The following MEI4 variants were observed in gnomAD, a reference collection of about 807,000 sequenced individuals.
The protein encoded by MEI4 is meiotic double-stranded break formation protein 4.
MEI4 carries 27 observed loss-of-function variants against 31.4 expected under a neutral mutation model. That is an observed-to-expected ratio of 0.86 (90% CI 0.63 to 1.19). The LOEUF is 1.19. Among genes scored for constraint, MEI4 ranks in the 50% most tolerant of loss-of-function variants. MEI4 has a pLI of 0.00. For missense variants in MEI4, 329 were observed against 398.9 expected, an observed-to-expected ratio of 0.82 and a Z score of 1.49; for synonymous variants, 122 against 145.4, an observed-to-expected ratio of 0.84 and a Z score of 1.16.
chr6:77,766,039 T>C (rs937609083), intron 3 of MEI4, among the ~76,000 whole-genome samples: 11 of 151,806 alleles, frequency 7.2e-5, no homozygotes, highest in African/African-American at 2.7e-4. Flanking sequence ...GCAGCTCTTA[T>C]TAACACCATG....
chr6:77,780,298 C>A lies in MEI4; in HGVS notation c.768+18633C>A, dbSNP rs561510381. 2.0e-5 allele frequency among the ~76,000 whole-genome samples: 3 copies of A among 152,232 alleles called. No homozygotes were observed. In the East Asian group the frequency reaches 5.8e-4, roughly 29 times the overall value. ...AAAGAGCTTGTTTACACATGTGATCCTAAGACTGACCTTTTGCAGGCAGAA... is the reference window on the plus strand; with the variant it reads ...AAAGAGCTTGTTTACACATGTGATCATAAGACTGACCTTTTGCAGGCAGAA... On this transcript the variant is annotated intron_variant, in intron 3 of 4. Coordinates refer to ENST00000684080, the MANE Select transcript of MEI4 (RefSeq NM_001322247.2).
chr6:77,857,583 T>C (rs1397332761), intron 4 of MEI4, among the ~76,000 whole-genome samples: 1 of 152,144 alleles, frequency 6.6e-6, no homozygotes, highest in African/African-American at 2.4e-5. Context: ...TACTCATGAG[T>C]TACCTAATTG....
At chr6:77,814,882 C>T (rs1769652924) in intron 3 of MEI4, among the ~76,000 whole-genome samples, 1 of 152,068 alleles carries the variant, frequency 6.6e-6, no homozygotes, top group South Asian at 2.1e-4. Flanking sequence ...TTCTTCTGGC[C>T]ATTGTCCTTA....
intron 1 of MEI4, among the ~76,000 whole-genome samples, chr6:77,667,200 A>T (rs1374540305): frequency 6.6e-6 from 1 of 152,220 alleles, no homozygotes; most frequent in African/African-American, 2.4e-5. Context: ...AAAATGAAGT[A>T]ATTAAATGAG....
intron 1 of MEI4, among the ~76,000 whole-genome samples, chr6:77,653,523 A>G (rs907446356): frequency 6.6e-6 from 1 of 152,192 alleles, no homozygotes; most frequent in Non-Finnish European, 1.5e-5. Context: ...TATTGCTGCT[A>G]TGATTTTGCA....
rs148000447 is a variant in MEI4 at position 77,814,195 on chromosome 6, C to T, written c.769-14736C>T. 2.6e-5 allele frequency among the ~76,000 whole-genome samples: 4 copies of T among 152,010 alleles called. No individual in the cohort carries two copies. The South Asian group carries it at 6.2e-4, about 24-fold the overall frequency. Reference sequence around the variant, plus strand: ...GTTAGGAGATTTTGATATAGGGTTTCGGCTTATGCTGCATGACTCTCAGCA... The same window carrying T: ...GTTAGGAGATTTTGATATAGGGTTTTGGCTTATGCTGCATGACTCTCAGCA... On this transcript the variant is annotated intron_variant, in intron 3 of 4. Transcript: ENST00000684080.
At chr6:77,889,372 G>C (rs1228290033) in intron 4 of MEI4, among the ~76,000 whole-genome samples, 1 of 152,124 alleles carries the variant, frequency 6.6e-6, no homozygotes, top group Non-Finnish European at 1.5e-5. Flanking sequence ...GAACTTCTTG[G>C]GAGCTGGAGC....
At position 77,866,773 on chromosome 6, in the gene MEI4, A is replaced by G. The variant is rs1043665428; in HGVS notation, c.900+37711A>G. On this transcript the variant is annotated intron_variant, in intron 4 of 4. Transcript: ENST00000684080. ...GAGCCCACATTGCCAAGTCAATTCT[A>G]AGTCAAAAGAACAAAGCTGGAGGCA... Among the ~76,000 whole-genome samples, 12 of 152,346 alleles carry G rather than the reference A, an allele frequency of 7.9e-5. No individual in the cohort carries two copies. In the Middle Eastern group the frequency reaches 0.014, roughly 173 times the overall value.
At chr6:77,835,191 G>A (rs186465842) in intron 4 of MEI4, among the ~76,000 whole-genome samples, 1 of 150,070 alleles carries the variant, frequency 6.7e-6, no homozygotes, top group Admixed American at 6.7e-5. Flanking sequence ...GATATGAAAA[G>A]GTAGTTTAAT....
intron 4 of MEI4, among the ~76,000 whole-genome samples, chr6:77,911,669 G>A (rs1285526107): frequency 1.3e-5 from 2 of 150,008 alleles, no homozygotes; most frequent in African/African-American, 4.9e-5. Flanking sequence ...AGCTGCAATA[G>A]TATTCCATGA....
intron 4 of MEI4, among the ~76,000 whole-genome samples, chr6:77,878,692 C>T (rs530109319): frequency 5.3e-5 from 8 of 152,094 alleles, no homozygotes; most frequent in African/African-American, 1.7e-4. Flanking sequence ...ACAGATAACA[C>T]AAACCGCTCA....
At chr6:77,876,839 T>G (rs1771353130) in intron 4 of MEI4, among the ~76,000 whole-genome samples, 2 of 151,698 alleles carry the variant, frequency 1.3e-5, no homozygotes, top group Non-Finnish European at 2.9e-5. Context: ...GTAACTCCAA[T>G]GACAAAATGT....
At chr6:77,843,904 A>G (rs1432985313) in intron 4 of MEI4, among the ~76,000 whole-genome samples, 1 of 152,166 alleles carries the variant, frequency 6.6e-6, no homozygotes, top group African/African-American at 2.4e-5. Flanking sequence ...ACAGAGTGCT[A>G]GTTGGAAGCC....
At chr6:77,869,590 G>T (rs955278712) in intron 4 of MEI4, among the ~76,000 whole-genome samples, 1 of 152,098 alleles carries the variant, frequency 6.6e-6, no homozygotes, top group African/African-American at 2.4e-5. Flanking sequence ...CAGCATCTTG[G>T]TCTTGGGCTT....
At chr6:77,796,025 T>G (rs1417698141) in intron 3 of MEI4, among the ~76,000 whole-genome samples, 2 of 152,144 alleles carry the variant, frequency 1.3e-5, no homozygotes, top group Non-Finnish European at 2.9e-5. Flanking sequence ...CAAACCAATT[T>G]CAGCAGCACA....
intron 2 of MEI4, among the ~76,000 whole-genome samples, chr6:77,748,299 C>A (rs1000434152): frequency 6.6e-6 from 1 of 152,226 alleles, no homozygotes; most frequent in African/African-American, 2.4e-5. Context: ...GACATCCAGG[C>A]ATTTCCATAC....
chr6:77,713,094 C>G (rs1158276052), intron 2 of MEI4, among the ~76,000 whole-genome samples: 1 of 152,002 alleles, frequency 6.6e-6, no homozygotes, highest in Admixed American at 6.6e-5. Context: ...CTTTTAGAGT[C>G]AGAAGAATCT....
chr6:77,873,455 G>GT (rs1771249284), intron 4 of MEI4, among the ~76,000 whole-genome samples: 1 of 151,404 alleles, frequency 6.6e-6, no homozygotes, highest in Non-Finnish European at 1.5e-5. Context: ...GGGGTTGTTT[G>GT]TTTTTTTCTT....
At chr6:77,804,921 A>G (rs1376591055) in intron 3 of MEI4, among the ~76,000 whole-genome samples, 1 of 152,102 alleles carries the variant, frequency 6.6e-6, no homozygotes, top group Non-Finnish European at 1.5e-5. Flanking sequence ...TGGTATGACA[A>G]ATATATTTTA....
Sources: gnomAD v4.1 joint callset for allele counts (sites outside exome capture counted in the v4.1 genomes callset) on GRCh38, gnomAD v4.1.1 for gene constraint, MANE v1.5 for transcripts, NCBI Gene and HGNC (gene_info 2026-07-23, HGNC 2026-07-21) for gene names.